ATF6: variants seen among roughly 807,000 people sequenced by gnomAD.
ATF6 encodes the protein activating transcription factor 6.
ATF6 carries 53 observed loss-of-function variants against 83.6 expected under a neutral mutation model. The observed-to-expected ratio is 0.63, with a 90% CI of 0.51 to 0.80. ATF6 has a LOEUF of 0.80. ATF6 is among the 30% of genes least tolerant of loss of function. The probability of loss-of-function intolerance (pLI) is 0.00; values close to 1 mark genes in which losing one functional copy is unlikely to be tolerated. For synonymous variants in ATF6, 288 were observed against 285.8 expected (o/e 1.01, Z -0.08); for missense variants, 744 against 797.9 (o/e 0.93, Z 0.81).
chr1:161,791,647 G>T (rs1329134253), intron 5 of ATF6, 110 bp downstream of exon 5: 11 of 1,228,612 alleles, frequency 9.0e-6, no homozygotes, highest in Non-Finnish European at 1.2e-5. Context: ...CTGGCTTGCT[G>T]TTTTTTAATT....
intron 4 of ATF6, among the ~76,000 whole-genome samples, chr1:161,784,432 T>C (rs902702285): frequency 6.6e-6 from 1 of 152,228 alleles, no homozygotes; most frequent in Non-Finnish European, 1.5e-5. Context: ...TCTTTATATA[T>C]GGACATAGAA....
Position 161,894,702 on chromosome 1 carries a change from A to ATT in ATF6, c.1720-17574_1720-17573dup, listed in dbSNP as rs59848309. On this transcript the variant is annotated intron_variant, in intron 14 of 15. Coordinates refer to ENST00000367942, the MANE Select transcript of ATF6 (RefSeq NM_007348.4). ...AGGCGCCCACCACTAAGCCGGGCTA[A>ATT]TTTTTTTTTTTTTTTTTTTTTGTAT... 9.9e-3 allele frequency among the ~76,000 whole-genome samples: 1,077 copies of ATT among 109,130 alleles called. 75 individuals carry two copies. The East Asian group carries it at 0.18, about 18-fold the overall frequency. 71.6% of individuals were successfully genotyped at this position (109,130 alleles called of 152,430 possible).
intron 14 of ATF6, among the ~76,000 whole-genome samples, chr1:161,877,533 G>A (rs1436471398): frequency 6.6e-6 from 1 of 152,108 alleles, no homozygotes; most frequent in Non-Finnish European, 1.5e-5. Flanking sequence ...TGAATGGGAA[G>A]GGGGATGAGT....
At chr1:161,883,176 A>C (rs1022611747) in intron 14 of ATF6, among the ~76,000 whole-genome samples, 4 of 152,020 alleles carry the variant, frequency 2.6e-5, no homozygotes, top group African/African-American at 9.6e-5. Context: ...AACTGGGTTT[A>C]TTTATGAAGG....
intron 10 of ATF6, among the ~76,000 whole-genome samples, chr1:161,847,427 C>T (rs1402857616): frequency 6.6e-6 from 1 of 152,110 alleles, no homozygotes; most frequent in Non-Finnish European, 1.5e-5. Context: ...AGGCTTGTCT[C>T]CACTTAGCCT....
intron 9 of ATF6, among the ~76,000 whole-genome samples, chr1:161,823,039 CATAATTTA>C (rs1314392941): frequency 2.0e-5 from 3 of 151,750 alleles, no homozygotes; most frequent in Non-Finnish European, 4.4e-5. Flanking sequence ...GTAAATGTGC[CATAATTTA>C]GCAATTCTCT....
chr1:161,785,877 A>G (rs970740754), intron 4 of ATF6, among the ~76,000 whole-genome samples: 7 of 152,078 alleles, frequency 4.6e-5, no homozygotes, highest in Admixed American at 4.6e-4. Context: ...CTCTTTTATT[A>G]TAAGTATGGT....
At chr1:161,913,693 A>C (rs142838089) in intron 15 of ATF6, among the ~76,000 whole-genome samples, 32 of 152,304 alleles carry the variant, frequency 2.1e-4, no homozygotes, top group African/African-American at 7.2e-4. Context: ...CTGAAGAAGA[A>C]TATATTCCAA....
intron 9 of ATF6, among the ~76,000 whole-genome samples, chr1:161,824,986 T>C (rs953102932): frequency 6.6e-6 from 1 of 152,246 alleles, no homozygotes; most frequent in Non-Finnish European, 1.5e-5. Context: ...ACACCAGATA[T>C]GTGGATTTTC....
At chr1:161,845,170 G>T (rs949739025) in intron 9 of ATF6, among the ~76,000 whole-genome samples, 1 of 152,142 alleles carries the variant, frequency 6.6e-6, no homozygotes, top group Non-Finnish European at 1.5e-5. Context: ...AGAGAGGTGT[G>T]TCTGCTCCCC....
intron 15 of ATF6, among the ~76,000 whole-genome samples, chr1:161,947,271 G>A (rs1688765065): frequency 6.6e-6 from 1 of 151,802 alleles, no homozygotes; most frequent in South Asian, 2.1e-4. Context: ...TCAGTAGATG[G>A]AAAATTACTA....
intron 14 of ATF6, among the ~76,000 whole-genome samples, chr1:161,864,367 G>A (rs1406454417): frequency 6.6e-6 from 1 of 152,156 alleles, no homozygotes; most frequent in Non-Finnish European, 1.5e-5. Flanking sequence ...ACTTGAGTAT[G>A]TACAGATTTG....
chr1:161,814,175 C>T lies in ATF6; in HGVS notation c.910-5458C>T, dbSNP rs571031538. 1.1e-4 allele frequency among the ~76,000 whole-genome samples: 17 copies of T among 152,326 alleles called. No homozygotes were observed. In the South Asian group the frequency reaches 1.2e-3, roughly 11 times the overall value. ...CTGGGATTACAGGCGTGAGCCACCG[C>T]GCCCGGCCTCCATCAAGTATTTCTG... is the stretch of plus-strand genomic sequence containing the variant. On this transcript the variant is annotated intron_variant, in intron 7 of 15. Transcript: ENST00000367942.
At chr1:161,855,602 G>A (rs1376595403) in intron 12 of ATF6, among the ~76,000 whole-genome samples, 3 of 152,122 alleles carry the variant, frequency 2.0e-5, no homozygotes, top group Non-Finnish European at 4.4e-5. Context: ...AACAGAGTGA[G>A]GTACCAAGTT....
At chr1:161,832,465 C>T (rs1275284415) in intron 9 of ATF6, among the ~76,000 whole-genome samples, 3 of 152,186 alleles carry the variant, frequency 2.0e-5, no homozygotes, top group Non-Finnish European at 2.9e-5. Context: ...GGCATTGCCT[C>T]ACCCAGGAAG....
chr1:161,846,448 G>C lies in ATF6; in HGVS notation c.1188-1G>C, dbSNP rs1212350709. On this transcript the variant is annotated splice_acceptor_variant, in intron 9 of 15. Transcript: ENST00000367942. LOFTEE classifies it high-confidence loss of function. ...TATTATTTCCTGTTTTTTATTTTCA[G>C]CATGTTGGAACAGGATTCCAGGAGA... is the stretch of plus-strand genomic sequence containing the variant. 3 of 1,595,018 alleles carry C rather than the reference G, an allele frequency of 1.9e-6. No individual in the cohort carries two copies. The highest frequency in any genetic ancestry group is 2.6e-6 in the Non-Finnish European group (3 of 1,172,442).
chr1:161,919,118 A>C (rs1309910300), intron 15 of ATF6, among the ~76,000 whole-genome samples: 1 of 152,152 alleles, frequency 6.6e-6, no homozygotes, highest in Non-Finnish European at 1.5e-5. Context: ...ATTGTTTTTT[A>C]CTTTGCATTC....
intron 4 of ATF6, among the ~76,000 whole-genome samples, chr1:161,788,030 T>A (rs934220577): frequency 8.5e-5 from 13 of 152,350 alleles, no homozygotes; most frequent in African/African-American, 3.1e-4. Flanking sequence ...ATGAATATTT[T>A]AAAAAATGTT....
At chr1:161,817,250 T>C (rs868743563) in intron 7 of ATF6, among the ~76,000 whole-genome samples, 1 of 152,220 alleles carries the variant, frequency 6.6e-6, no homozygotes, top group Non-Finnish European at 1.5e-5. Flanking sequence ...TTCCACAGAT[T>C]AATTAGCCTT....
Sources: allele counts gnomAD v4.1 joint callset (sites outside exome capture counted in the v4.1 genomes callset), GRCh38; gene constraint gnomAD v4.1.1; transcripts MANE v1.5; gene names NCBI Gene and HGNC (gene_info 2026-07-23, HGNC 2026-07-21).